The following TTLL5 variants were observed in gnomAD, a reference collection of about 807,000 sequenced individuals.
TTLL5 encodes the protein tubulin polyglutamylase TTLL5.
TTLL5 carries 132 observed loss-of-function variants against 168.4 expected under a neutral mutation model. The observed-to-expected ratio is 0.78, with a 90% CI of 0.68 to 0.91. TTLL5 has a LOEUF of 0.91. Among genes scored for constraint, TTLL5 ranks in the 40% least tolerant of loss-of-function variants. The probability of loss-of-function intolerance (pLI) is 0.00; values close to 1 mark genes in which losing one functional copy is unlikely to be tolerated. For synonymous variants in TTLL5, 546 were observed against 558.6 expected, an observed-to-expected ratio of 0.98 and a Z score of 0.32; for missense variants, 1,545 against 1,581.5, an observed-to-expected ratio of 0.98 and a Z score of 0.39.
intron 5 of TTLL5, 120 bp downstream of exon 5, chr14:75,683,776 C>CTTTTT: frequency 4.1e-6 from 2 of 486,990 alleles, no homozygotes; most frequent in African/African-American, 2.1e-5. Context: ...AGAAGAAGGA[C>CTTTTT]TTTTTTTTTT....
rs1342700879 is a variant in TTLL5 at position 75,869,424 on chromosome 14, T to TA, written c.3522+5566dup. 3.3e-5 allele frequency among the ~76,000 whole-genome samples: 5 copies of TA among 152,354 alleles called. No homozygotes were observed. In the East Asian group the frequency reaches 9.6e-4, roughly 29 times the overall value. On this transcript the variant is annotated intron_variant, in intron 29 of 31. Coordinates refer to ENST00000298832, the MANE Select transcript of TTLL5 (RefSeq NM_015072.5). ...ACTTAAGACAGGTTATTCAAACTTT[T>TA]AAAACCTCATTTTCCTTATCTCTAA... is the stretch of plus-strand genomic sequence containing the variant.
intron 7 of TTLL5, among the ~76,000 whole-genome samples, chr14:75,703,754 C>T (rs1021369903): frequency 5.9e-5 from 9 of 152,142 alleles, no homozygotes; most frequent in African/African-American, 2.2e-4. Flanking sequence ...ATTCTGTACT[C>T]TCTTGTTTCT....
intron 9 of TTLL5, among the ~76,000 whole-genome samples, chr14:75,714,647 C>G (rs1038542920): frequency 6.6e-6 from 1 of 152,142 alleles, no homozygotes; most frequent in Admixed American, 6.5e-5. Context: ...CCAGATTTGG[C>G]CAGTGGGAGA....
chr14:75,903,669 C>T (rs558942242), intron 31 of TTLL5, among the ~76,000 whole-genome samples: 4 of 151,604 alleles, frequency 2.6e-5, no homozygotes, highest in Non-Finnish European at 5.9e-5. Context: ...TTTGGAAAGA[C>T]GAGGCAGGAG....
At chr14:75,668,136 G>A (rs1883434298) in intron 2 of TTLL5, among the ~76,000 whole-genome samples, 1 of 152,116 alleles carries the variant, frequency 6.6e-6, no homozygotes, top group Non-Finnish European at 1.5e-5. Flanking sequence ...TTTGTTAAGG[G>A]ATGTGGTTAT....
At chr14:75,720,405 A>G (rs1016800534) in intron 11 of TTLL5, among the ~76,000 whole-genome samples, 191 bp from the exon 12 acceptor site, 2 of 152,172 alleles carry the variant, frequency 1.3e-5, no homozygotes, top group Non-Finnish European at 2.9e-5. Flanking sequence ...ATCCCTTGGC[A>G]CCTACATTCT....
chr14:75,812,383 G>T (rs1894099416), intron 27 of TTLL5, among the ~76,000 whole-genome samples: 1 of 152,170 alleles, frequency 6.6e-6, no homozygotes, highest in Non-Finnish European at 1.5e-5. Flanking sequence ...GCAGAGACAT[G>T]TGGAACAAGT....
At chr14:75,719,382 C>T (rs1201358128) in intron 10 of TTLL5, among the ~76,000 whole-genome samples, 1 of 152,194 alleles carries the variant, frequency 6.6e-6, no homozygotes, top group Non-Finnish European at 1.5e-5. Flanking sequence ...ACATTCACCT[C>T]AAAGGTTAAT....
rs1376573960 is a variant in TTLL5 at position 75,690,113 on chromosome 14, G to GT, written c.372-78dup. ...ACTAACCGGTCTAGGACTGTGAACTGTAACTCTTTAGAATGTGATAACACA... is the reference window on the plus strand; with the variant it reads ...ACTAACCGGTCTAGGACTGTGAACTGTTAACTCTTTAGAATGTGATAACACA... On this transcript the variant is annotated intron_variant, in intron 5 of 31. Transcript: ENST00000298832. 25 of 1,529,262 alleles carry GT rather than the reference G, an allele frequency of 1.6e-5. 1 individual carries two copies. The highest frequency in any genetic ancestry group is 8.2e-5 in the African/African-American group (6 of 73,092). 94.7% of individuals were successfully genotyped at this position (1,529,262 alleles called of 1,614,324 possible). A position where few individuals can be genotyped will look rare whatever the true frequency, so the allele number is the denominator to read the frequency against.
chr14:75,882,652 C>G, intron 29 of TTLL5, 33 bp from the exon 30 acceptor site: 1 of 1,578,840 alleles, frequency 6.3e-7, no homozygotes, highest in Non-Finnish European at 8.7e-7. Context: ...AAGGTGATGT[C>G]CATCGATCAT....
chr14:75,930,157 A>T (rs2034227578), intron 31 of TTLL5, among the ~76,000 whole-genome samples: 1 of 152,164 alleles, frequency 6.6e-6, no homozygotes, highest in Non-Finnish European at 1.5e-5. Flanking sequence ...TTATTCTTTG[A>T]ATAACTAATT....
At chr14:75,698,333 C>T (rs1594889177) in intron 6 of TTLL5, among the ~76,000 whole-genome samples, 1 of 152,310 alleles carries the variant, frequency 6.6e-6, no homozygotes, top group South Asian at 2.1e-4. Flanking sequence ...GGGAAAGGAA[C>T]AGGACAAATG....
chr14:75,858,494 G>A (rs1371339547), intron 28 of TTLL5, among the ~76,000 whole-genome samples: 3 of 152,194 alleles, frequency 2.0e-5, no homozygotes, highest in African/African-American at 7.2e-5. Flanking sequence ...TGTAATAGTT[G>A]TCTCAAGGAA....
At chr14:75,726,720 G>A (rs1177999946) in intron 12 of TTLL5, among the ~76,000 whole-genome samples, 6 of 152,238 alleles carry the variant, frequency 3.9e-5, no homozygotes, top group South Asian at 4.2e-4. Context: ...TAAATATAGC[G>A]TGCATAGAAT....
At chr14:75,779,783 T>TAA in intron 24 of TTLL5, 81 bp downstream of exon 24, 1 of 1,443,850 alleles carries the variant, frequency 6.9e-7, no homozygotes, top group Non-Finnish European at 9.3e-7. Context: ...AGGAATAATG[T>TAA]GTTGGCTAAG....
chr14:75,901,579 G>A (rs573195861), intron 30 of TTLL5, among the ~76,000 whole-genome samples: 9 of 152,304 alleles, frequency 5.9e-5, no homozygotes, highest in South Asian at 2.1e-4. Context: ...TGTGGAATGC[G>A]TAGCAGTATT....
intron 9 of TTLL5, chr14:75,711,205 A>T (rs1161958799): frequency 6.6e-6 from 1 of 152,148 alleles, no homozygotes; most frequent in African/African-American, 2.4e-5. Context: ...AAGTGTTGCA[A>T]TTGTCCCCCT....
chr14:75,878,787 A>G (rs1048700617), intron 29 of TTLL5, among the ~76,000 whole-genome samples: 2 of 152,192 alleles, frequency 1.3e-5, no homozygotes, highest in African/African-American at 2.4e-5. Flanking sequence ...AGGTCCTACC[A>G]TAAATTTTGC....
chr14:75,915,125 A>G (rs1377988894), intron 31 of TTLL5, among the ~76,000 whole-genome samples: 1 of 152,074 alleles, frequency 6.6e-6, no homozygotes, highest in East Asian at 1.9e-4. Flanking sequence ...TACATCACCT[A>G]ACTAACTGGA....
Sources: gnomAD v4.1 joint callset for allele counts (sites outside exome capture counted in the v4.1 genomes callset) on GRCh38, gnomAD v4.1.1 for gene constraint, MANE v1.5 for transcripts, NCBI Gene and HGNC (gene_info 2026-07-23, HGNC 2026-07-21) for gene names.